Variants in FBXL20 observed in about 807,000 individuals in gnomAD.
The protein encoded by FBXL20 is F-box/LRR-repeat protein 20.
In FBXL20, 11 loss-of-function variants were observed where a neutral mutation model predicts 64.0. The observed-to-expected ratio is 0.17, with a 90% confidence interval of 0.11 to 0.28. The LOEUF is 0.28. Ranked by LOEUF, FBXL20 falls within the 10% of genes least tolerant of loss-of-function variation. The pLI is 1.00. For synonymous variants in FBXL20, 184 were observed against 189.0 expected (o/e 0.97, Z 0.22); for missense variants, 303 against 526.2 (o/e 0.58, Z 4.15).
chr17:39,347,095 G>A (rs919551193), intron 1 of FBXL20, among the ~76,000 whole-genome samples: 1 of 152,140 alleles, frequency 6.6e-6, no homozygotes, highest in African/African-American at 2.4e-5. Context: ...TGTCATTGAT[G>A]GACGTTTGGG....
In FBXL20 at chr17:39,258,621, C is replaced by T. The variant is rs2046715457; in HGVS notation, c.*2839G>A. ...ACAGCATTTCCAAGATCATCATGAA[C>T]TGATGAATAGAGTCTTTTAAACTTA... On this transcript the variant is annotated 3_prime_UTR_variant, in exon 15 of 15. Coordinates refer to ENST00000264658, the MANE Select transcript of FBXL20 (RefSeq NM_032875.3). The T allele has an allele frequency of 6.6e-6, 1 of 152,242 alleles. No individual in the cohort carries two copies. The highest frequency in any genetic ancestry group is 2.4e-5 in the African/African-American group (1 of 41,454). 9.4% of individuals were successfully genotyped at this position (152,242 alleles called of 1,614,324 possible).
chr17:39,325,521 G>C (rs1395199111), intron 2 of FBXL20, among the ~76,000 whole-genome samples: 3 of 152,166 alleles, frequency 2.0e-5, no homozygotes, highest in Non-Finnish European at 4.4e-5. Context: ...ATTAAAGGGA[G>C]AGGGGAATGA....
At chr17:39,396,710 C>T (rs1196732810) in intron 1 of FBXL20, among the ~76,000 whole-genome samples, 1 of 151,834 alleles carries the variant, frequency 6.6e-6, no homozygotes, top group Non-Finnish European at 1.5e-5. Context: ...AATCCCAGCA[C>T]TTTGGGAGGC....
chr17:39,285,540 T>C lies in FBXL20; in HGVS notation c.432A>G (p.Lys144=). ...TCTSLSKFCS[K]LRHLDLASCT... ...AGGAAGCCAAGTCAAGGTGCCTGAG[T>C]TTGGAACAGAACTTGCTAAGGCTAG... The change falls in exon 7 of 15, where the codon AAA becomes AAG. Residue 144 remains lysine (K), a synonymous_variant. Transcript: ENST00000264658. The C allele has an allele frequency of 6.2e-7, 1 of 1,605,758 alleles. No individual in the cohort carries two copies. Among genetic ancestry groups the C allele is most frequent in the African/African-American group, 1.3e-5 (1 of 74,842 alleles).
chr17:39,328,111 G>C (rs1176489458), intron 2 of FBXL20, among the ~76,000 whole-genome samples: 1 of 151,714 alleles, frequency 6.6e-6, no homozygotes, highest in African/African-American at 2.4e-5. Context: ...AGCCGGGCGT[G>C]GTGGCGGGTG....
At chr17:39,294,748 A>C (rs1391389499) in intron 6 of FBXL20, among the ~76,000 whole-genome samples, 1 of 151,820 alleles carries the variant, frequency 6.6e-6, no homozygotes, top group Non-Finnish European at 1.5e-5. Flanking sequence ...ACGGTGGCTC[A>C]CGCCTGTAAT....
intron 2 of FBXL20, among the ~76,000 whole-genome samples, chr17:39,326,960 A>C (rs2047415122): frequency 6.6e-6 from 1 of 150,698 alleles, no homozygotes. Flanking sequence ...GGCTCACGAC[A>C]ACCTCTGCCT....
At chr17:39,360,494 T>C (rs981120810) in intron 1 of FBXL20, among the ~76,000 whole-genome samples, 2 of 152,168 alleles carry the variant, frequency 1.3e-5, no homozygotes, top group African/African-American at 2.4e-5. Context: ...TTTTACTGAG[T>C]CAATTTGGTT....
In FBXL20 at chr17:39,252,912, T is replaced by C. The variant is rs1034850872; in HGVS notation, c.*8548A>G. The C allele has an allele frequency of 6.6e-5, 10 of 152,198 alleles. No homozygotes were observed. Among genetic ancestry groups the C allele is most frequent in the African/African-American group, 2.4e-4 (10 of 41,528 alleles). 9.4% of individuals were successfully genotyped at this position (152,198 alleles called of 1,614,324 possible). The stretch of plus-strand genomic sequence containing the variant: ...GGGTGGAAACAGTCACTTGGAGAGC[T>C]AATGGAACCTGGTGCTAAGTCACCC... On this transcript the variant is annotated 3_prime_UTR_variant, in exon 15 of 15. Coordinates refer to ENST00000264658, the MANE Select transcript of FBXL20 (RefSeq NM_032875.3).
At chr17:39,314,422 G>GGTTC (rs991364319) in intron 2 of FBXL20, among the ~76,000 whole-genome samples, 6 of 151,968 alleles carry the variant, frequency 3.9e-5, no homozygotes, top group African/African-American at 1.2e-4. Flanking sequence ...GCGCCATCCT[G>GGTTC]GTTCACTGCA....
At position 39,299,013 on chromosome 17, in the gene FBXL20, A is replaced by C. The variant is rs1387179866; in HGVS notation, c.306T>G (p.Leu102=). Residue 102 remains leucine, a synonymous_variant, in exon 5 of 15, where the codon CTT becomes CTG. Coordinates refer to ENST00000264658, the MANE Select transcript of FBXL20 (RefSeq NM_032875.3). ...FLRKLSLRGC[L]GVGDNALRTF... is the part of the protein sequence containing the mutation. ...ACCTTAATGCATTGTCTCCCACTCC[A>C]AGACATCCACGAAGACTTAACTTTC... 6 of 1,613,618 alleles carry C rather than the reference A, an allele frequency of 3.7e-6. No individual in the cohort carries two copies. The African/African-American group carries it at 6.7e-5, about 18-fold the overall frequency.
chr17:39,326,335 T>A (rs1390627814), intron 2 of FBXL20, among the ~76,000 whole-genome samples: 1 of 152,002 alleles, frequency 6.6e-6, no homozygotes, highest in African/African-American at 2.4e-5. Flanking sequence ...TCTAAATGAA[T>A]AACCTAAAGA....
chr17:39,351,333 T>C (rs2047685227), intron 1 of FBXL20, among the ~76,000 whole-genome samples: 2 of 125,734 alleles, frequency 1.6e-5, no homozygotes, highest in African/African-American at 6.8e-5. Context: ...AGAAACTCTG[T>C]CTCACCAAAA....
At chr17:39,396,127 C>T (rs1420472040) in intron 1 of FBXL20, among the ~76,000 whole-genome samples, 2 of 148,878 alleles carry the variant, frequency 1.3e-5, no homozygotes, top group Non-Finnish European at 3.0e-5. Context: ...TGAGACTGAG[C>T]CTACAAACTT....
intron 12 of FBXL20, 22 bp downstream of exon 12, chr17:39,268,805 G>C (rs2046814536): frequency 6.2e-7 from 1 of 1,603,548 alleles, no homozygotes; most frequent in Admixed American, 1.7e-5. Flanking sequence ...CTGTATTTCT[G>C]AATTAAAATC....
At chr17:39,329,894 T>C (rs115035920) in intron 2 of FBXL20, among the ~76,000 whole-genome samples, 3,525 of 152,136 alleles carry the variant, frequency 0.023, 135 homozygotes, top group African/African-American at 0.081. Context: ...GCTACTAGGC[T>C]GGAATGGGAG....
intron 2 of FBXL20, among the ~76,000 whole-genome samples, chr17:39,317,774 T>C (rs1325153515): frequency 6.9e-6 from 1 of 144,134 alleles, no homozygotes; most frequent in Admixed American, 7.2e-5. Context: ...CGATCTCGGC[T>C]CACTGCAAGC....
intron 9 of FBXL20, 111 bp downstream of exon 9, chr17:39,281,278 T>C: frequency 1.1e-6 from 1 of 902,280 alleles, no homozygotes; most frequent in South Asian, 1.6e-5. Context: ...TCACTAGGGT[T>C]GTGGTAGAAA....
At chr17:39,275,488 T>C (rs1446432045) in intron 9 of FBXL20, among the ~76,000 whole-genome samples, 4 of 152,078 alleles carry the variant, frequency 2.6e-5, no homozygotes, top group Non-Finnish European at 4.4e-5. Flanking sequence ...CTTGGCTCAC[T>C]GCAACCTCCA....
Sources: allele counts gnomAD v4.1 joint callset (sites outside exome capture counted in the v4.1 genomes callset), GRCh38; gene constraint gnomAD v4.1.1; transcripts MANE v1.5; gene names NCBI Gene and HGNC (gene_info 2026-07-23, HGNC 2026-07-21).